The following RTL4 variants were observed in gnomAD, a reference collection of about 807,000 sequenced individuals.
RTL4 encodes the protein retrotransposon Gag like 4.
RTL4 carries 4 observed loss-of-function variants against 5.3 expected under a neutral mutation model. The observed-to-expected ratio is 0.75, with a 90% CI of 0.37 to 1.72. The LOEUF (loss-of-function observed/expected upper bound fraction) is 1.72. Ranked by LOEUF, RTL4 falls within the 40% of genes most tolerant of loss-of-function variation. The probability of loss-of-function intolerance (pLI) is 0.04; values close to 1 mark genes in which losing one functional copy is unlikely to be tolerated. For synonymous variants in RTL4, 98 were observed against 87.3 expected (o/e 1.12, Z -0.68); for missense variants, 260 against 227.1 (o/e 1.14, Z -0.93).
the RTL4 span, among the ~76,000 whole-genome samples, chrX:112,105,242 G>A: frequency 9.0e-6 from 1 of 111,137 alleles, no homozygotes; most frequent in Non-Finnish European, 1.9e-5. Context: ...CTGTTCCATC[G>A]GTCTGTCTGT....
At chrX:112,327,152 C>A in the RTL4 span, among the ~76,000 whole-genome samples, 4 of 112,086 alleles carry the variant, frequency 3.6e-5, no homozygotes, top group Admixed American at 3.8e-4. Context: ...CAAAGCTGGA[C>A]GGAGAATGAC....
At chrX:112,379,411 GAGA>G in the RTL4 span, among the ~76,000 whole-genome samples, 24 of 112,294 alleles carry the variant, frequency 2.1e-4, no homozygotes, top group Non-Finnish European at 3.6e-4. Flanking sequence ...AGTTTGTCAA[GAGA>G]AGATTTTCCC....
At chrX:112,291,009 C>G in the RTL4 span, among the ~76,000 whole-genome samples, 2 of 111,672 alleles carry the variant, frequency 1.8e-5, no homozygotes, top group South Asian at 3.7e-4. Context: ...TATTACGTTT[C>G]TAGTTAGACA....
the RTL4 span, among the ~76,000 whole-genome samples, chrX:112,318,045 A>T: frequency 2.7e-5 from 3 of 112,154 alleles, no homozygotes; most frequent in East Asian, 8.4e-4. Context: ...ATATTTATTG[A>T]TCATCGTGTG....
the RTL4 span, among the ~76,000 whole-genome samples, chrX:112,116,761 A>G: frequency 8.9e-6 from 1 of 111,912 alleles, no homozygotes; most frequent in Non-Finnish European, 1.9e-5. Context: ...CAGAAGTCCA[A>G]CTGGCTTCAC....
the RTL4 span, among the ~76,000 whole-genome samples, chrX:112,292,175 G>A: frequency 9.0e-6 from 1 of 111,567 alleles, no homozygotes; most frequent in Non-Finnish European, 1.9e-5. Flanking sequence ...CTCTATTCAG[G>A]TCTCTGAAAA....
the RTL4 span, among the ~76,000 whole-genome samples, chrX:112,350,068 C>T: frequency 9.0e-6 from 1 of 110,755 alleles, no homozygotes; most frequent in African/African-American, 3.3e-5. Flanking sequence ...GAGTTTTTAG[C>T]ATGAAGAGTT....
the RTL4 span, among the ~76,000 whole-genome samples, chrX:112,318,229 T>C: frequency 8.9e-6 from 1 of 111,925 alleles, no homozygotes; most frequent in African/African-American, 3.2e-5. Flanking sequence ...ACTTGCTCTT[T>C]TGCCTATCTG....
chrX:112,436,620 C>T, the RTL4 span, among the ~76,000 whole-genome samples: 1 of 111,316 alleles, frequency 9.0e-6, no homozygotes, highest in Non-Finnish European at 1.9e-5. Flanking sequence ...CAGAACATTC[C>T]ATGGCAGCCC....
chrX:112,406,180 TAGTGC>T, the RTL4 span, among the ~76,000 whole-genome samples: 1 of 111,823 alleles, frequency 8.9e-6, no homozygotes, highest in Non-Finnish European at 1.9e-5. Context: ...AGGCAAGTCC[TAGTGC>T]TGAACTGGCC....
chrX:112,188,872 C>G, the RTL4 span, among the ~76,000 whole-genome samples: 1 of 110,772 alleles, frequency 9.0e-6, no homozygotes, highest in Non-Finnish European at 1.9e-5. Flanking sequence ...TCTCAGCTTA[C>G]AAATGGGAAA....
chrX:112,372,068 TA>T, the RTL4 span, among the ~76,000 whole-genome samples: 11 of 112,030 alleles, frequency 9.8e-5, no homozygotes, highest in South Asian at 3.0e-3. Context: ...CCCATGTAAC[TA>T]ATCAAAATTA....
chrX:112,368,765 A>G, the RTL4 span, among the ~76,000 whole-genome samples: 1 of 112,240 alleles, frequency 8.9e-6, no homozygotes. Context: ...TTATGAACTG[A>G]CAAGCTAAAG....
At chrX:112,304,075 A>G in the RTL4 span, among the ~76,000 whole-genome samples, 1 of 110,522 alleles carries the variant, frequency 9.0e-6, no homozygotes, top group East Asian at 2.9e-4. Context: ...ATGGGGCCTA[A>G]TTCTTGAAGT....
the RTL4 span, among the ~76,000 whole-genome samples, chrX:112,400,505 C>G: frequency 8.9e-6 from 1 of 111,786 alleles, no homozygotes; most frequent in Non-Finnish European, 1.9e-5. Context: ...ATTCTGCCAT[C>G]TGTGTCATTT....
chrX:112,235,606 T>C, the RTL4 span, among the ~76,000 whole-genome samples: 2 of 112,222 alleles, frequency 1.8e-5, no homozygotes, highest in East Asian at 2.8e-4. Context: ...TATTGGGGAA[T>C]ACCTTCTTAG....
chrX:112,404,830 C>T, the RTL4 span, among the ~76,000 whole-genome samples: 1 of 112,457 alleles, frequency 8.9e-6, no homozygotes, highest in African/African-American at 3.2e-5. Flanking sequence ...CCCTGGAACA[C>T]ACATTTAAAG....
chrX:112,143,851 C>A, the RTL4 span, among the ~76,000 whole-genome samples: 3 of 111,956 alleles, frequency 2.7e-5, no homozygotes, highest in South Asian at 1.1e-3. Flanking sequence ...TCTTAAAGCA[C>A]ATCTTTAGAA....
the RTL4 span, among the ~76,000 whole-genome samples, chrX:112,097,406 T>A: frequency 1.8e-5 from 2 of 111,124 alleles, no homozygotes; most frequent in Non-Finnish European, 3.8e-5. Flanking sequence ...AAGCCCGAGA[T>A]GAGAGGATCA....
Sources: allele counts gnomAD v4.1 joint callset (sites outside exome capture counted in the v4.1 genomes callset), GRCh38; gene constraint gnomAD v4.1.1; transcripts MANE v1.5; gene names NCBI Gene and HGNC (gene_info 2026-07-23, HGNC 2026-07-21).